FSIP1: variants seen among roughly 807,000 people sequenced by gnomAD.
The protein encoded by FSIP1 is fibrous sheath-interacting protein 1.
FSIP1 carries 65 observed loss-of-function variants against 60.9 expected under a neutral mutation model. That is an observed-to-expected ratio of 1.07 (90% CI 0.87 to 1.31). FSIP1 has a LOEUF of 1.31. Among genes scored for constraint, FSIP1 ranks in the 40% most tolerant of loss-of-function variants. The pLI is 0.00. For synonymous variants in FSIP1, 209 were observed against 221.2 expected (o/e 0.94, Z 0.49); for missense variants, 675 against 665.5 (o/e 1.01, Z -0.16).
At chr15:39,629,295 G>A (rs960217450) in intron 10 of FSIP1, among the ~76,000 whole-genome samples, 2 of 152,080 alleles carry the variant, frequency 1.3e-5, no homozygotes, top group African/African-American at 4.8e-5. Context: ...ATCTATCATC[G>A]CCCTCGGAAG....
chr15:39,639,595 T>C (rs561778002), intron 10 of FSIP1, among the ~76,000 whole-genome samples: 2 of 152,370 alleles, frequency 1.3e-5, no homozygotes, highest in East Asian at 3.9e-4. Flanking sequence ...GGGTTTCTCA[T>C]GAGTCCTGTG....
intron 10 of FSIP1, among the ~76,000 whole-genome samples, chr15:39,628,678 G>A (rs1891745363): frequency 6.6e-6 from 1 of 152,174 alleles, no homozygotes; most frequent in South Asian, 2.1e-4. Context: ...GCAATAGAAA[G>A]CCCCAGAGGG....
chr15:39,642,284 GT>G (rs1370673125), intron 10 of FSIP1, among the ~76,000 whole-genome samples: 3 of 152,174 alleles, frequency 2.0e-5, no homozygotes, highest in African/African-American at 7.2e-5. Flanking sequence ...CTTAACGCAA[GT>G]TTCCCCTCTC....
Position 39,739,790 on chromosome 15 carries a change from C to A in FSIP1, c.656-1G>T. The A allele has an allele frequency of 6.5e-7, 1 of 1,545,052 alleles. No individual in the cohort carries two copies. The highest frequency in any genetic ancestry group is 8.7e-7 in the Non-Finnish European group (1 of 1,152,920). On this transcript the variant is annotated splice_acceptor_variant, in intron 6 of 11. Coordinates refer to ENST00000350221, the MANE Select transcript of FSIP1 (RefSeq NM_152597.5). LOFTEE classifies it high-confidence loss of function. The stretch of plus-strand genomic sequence containing the variant: ...TTTCTTTCCACATCACAGGTAAAAT[C>A]TAATATTAAAAAAGTTCAAAATTTT...
At chr15:39,614,828 T>C (rs1373095283) in intron 11 of FSIP1, among the ~76,000 whole-genome samples, 1 of 152,122 alleles carries the variant, frequency 6.6e-6, no homozygotes, top group Non-Finnish European at 1.5e-5. Flanking sequence ...CAATAGACCC[T>C]GAATAGCCAA....
chr15:39,665,278 T>A (rs1893452268), intron 10 of FSIP1, among the ~76,000 whole-genome samples: 1 of 152,202 alleles, frequency 6.6e-6, no homozygotes, highest in Non-Finnish European at 1.5e-5. Context: ...ACTGCCTTAT[T>A]TATCGGTTAT....
intron 11 of FSIP1, chr15:39,602,479 T>A (rs1345874334): frequency 2.4e-6 from 1 of 415,670 alleles, no homozygotes; most frequent in Non-Finnish European, 4.8e-6. Flanking sequence ...AATATATGAA[T>A]TATATCTCAA....
chr15:39,638,065 T>C (rs187792600), intron 10 of FSIP1, among the ~76,000 whole-genome samples: 1 of 152,312 alleles, frequency 6.6e-6, no homozygotes, highest in East Asian at 1.9e-4. Context: ...CTGGAAATAA[T>C]ACTCTTGATC....
intron 2 of FSIP1, among the ~76,000 whole-genome samples, chr15:39,775,605 T>C (rs1898027848): frequency 6.6e-6 from 1 of 152,170 alleles, no homozygotes; most frequent in South Asian, 2.1e-4. Flanking sequence ...TAATTCCCAG[T>C]GTCGGAGGAG....
At chr15:39,730,802 G>A (rs1896375045) in intron 8 of FSIP1, among the ~76,000 whole-genome samples, 1 of 152,174 alleles carries the variant, frequency 6.6e-6, no homozygotes, top group African/African-American at 2.4e-5. Context: ...CAGTGATGGT[G>A]GCAGCAATGA....
chr15:39,691,850 A>G (rs1473647203), intron 10 of FSIP1, among the ~76,000 whole-genome samples: 2 of 152,178 alleles, frequency 1.3e-5, no homozygotes, highest in East Asian at 1.9e-4. Flanking sequence ...ACTTCTTTCA[A>G]GAGGCTTAAA....
intron 10 of FSIP1, among the ~76,000 whole-genome samples, chr15:39,676,922 AG>A (rs1337447508): frequency 1.3e-5 from 2 of 152,242 alleles, no homozygotes; most frequent in African/African-American, 4.8e-5. Context: ...CCTTTGATAA[AG>A]AACAAAATAG....
At chr15:39,684,137 T>C (rs1233390276) in intron 10 of FSIP1, among the ~76,000 whole-genome samples, 1 of 152,148 alleles carries the variant, frequency 6.6e-6, no homozygotes, top group Non-Finnish European at 1.5e-5. Flanking sequence ...CAAAACAATT[T>C]TGATAAAGGA....
At chr15:39,677,729 C>T (rs1048727315) in intron 10 of FSIP1, among the ~76,000 whole-genome samples, 8 of 152,132 alleles carry the variant, frequency 5.3e-5, no homozygotes, top group Admixed American at 4.6e-4. Context: ...AGTGTGTTTA[C>T]GACCGGGCGT....
intron 8 of FSIP1, among the ~76,000 whole-genome samples, chr15:39,734,296 A>G (rs996994345): frequency 1.3e-5 from 2 of 152,230 alleles, no homozygotes; most frequent in Non-Finnish European, 2.9e-5. Flanking sequence ...ATTTTTCAAA[A>G]AAGTTCCAGA....
At chr15:39,681,618 A>G (rs1894166659) in intron 10 of FSIP1, among the ~76,000 whole-genome samples, 1 of 152,224 alleles carries the variant, frequency 6.6e-6, no homozygotes, top group South Asian at 2.1e-4. Context: ...ATATGGATTT[A>G]AAGCAGCTTA....
intron 10 of FSIP1, among the ~76,000 whole-genome samples, chr15:39,705,311 GTTCT>G (rs1475166928): frequency 4.6e-5 from 7 of 152,048 alleles, no homozygotes; most frequent in African/African-American, 1.2e-4. Flanking sequence ...AGTCAAAAAT[GTTCT>G]TTATTTTTTA....
chr15:39,777,498 G>T lies in FSIP1; in HGVS notation c.-7-967C>A, dbSNP rs1325277284. 3.3e-5 allele frequency among the ~76,000 whole-genome samples: 5 copies of T among 152,170 alleles called. No individual in the cohort carries two copies. In the South Asian group the frequency reaches 1.0e-3, roughly 31 times the overall value. On this transcript the variant is annotated intron_variant, in intron 1 of 11. Transcript: ENST00000350221. ...TATTCTTCATGTGATATATCCACAG[G>T]CTTCTCACCACCCTGGCTGCTCTAT...
intron 10 of FSIP1, among the ~76,000 whole-genome samples, chr15:39,683,849 G>A (rs1480353125): frequency 6.6e-6 from 1 of 152,162 alleles, no homozygotes; most frequent in African/African-American, 2.4e-5. Context: ...CACTTACAGT[G>A]TTACAATTTA....
Sources: gnomAD v4.1 joint callset for allele counts (sites outside exome capture counted in the v4.1 genomes callset) on GRCh38, gnomAD v4.1.1 for gene constraint, MANE v1.5 for transcripts, NCBI Gene and HGNC (gene_info 2026-07-23, HGNC 2026-07-21) for gene names.